The following NECTIN1 variants were observed in gnomAD, a reference collection of about 807,000 sequenced individuals.
NECTIN1 encodes nectin cell adhesion molecule 1.
NECTIN1 carries 23 observed loss-of-function variants against 48.0 expected under a neutral mutation model. That is an observed-to-expected ratio of 0.48 (90% CI 0.34 to 0.68). The LOEUF (loss-of-function observed/expected upper bound fraction) is 0.68. Ranked by LOEUF, NECTIN1 falls within the 30% of genes least tolerant of loss-of-function variation. The pLI, the probability that NECTIN1 is intolerant of heterozygous loss-of-function variation, is 0.01. For missense variants in NECTIN1, 591 were observed against 709.9 expected, an observed-to-expected ratio of 0.83 and a Z score of 1.90; for synonymous variants, 270 against 288.9, an observed-to-expected ratio of 0.93 and a Z score of 0.66.
Position 119,677,475 on chromosome 11 carries a change from A to C in NECTIN1, c.733+80T>G. 6.7e-7 allele frequency: 1 copy of C among 1,493,898 alleles called. No individual in the cohort carries two copies. 92.5% of individuals were successfully genotyped at this position (1,493,898 alleles called of 1,614,324 possible). A position where few individuals can be genotyped will look rare whatever the true frequency, so the allele number is the denominator to read the frequency against. ...GAAGAAAGCACCCCCAGAAAGAGAA[A>C]GGGAGGAGAAAGGAGAGGAGGAGGG... is the stretch of plus-strand genomic sequence containing the variant. On this transcript the variant is annotated intron_variant, in intron 3 of 5. Coordinates refer to ENST00000264025, the MANE Select transcript of NECTIN1 (RefSeq NM_002855.5). This position sits in a 1 kb window ranked among gnomAD's most constrained non-coding sequence, Gnocchi z 5.4.
rs1213982791 is a variant in NECTIN1 at position 119,661,082 on chromosome 11, G to A, written c.*3665C>T. 1 of 982,134 alleles carries A rather than the reference G, an allele frequency of 1.0e-6. No homozygotes were observed. Among genetic ancestry groups the A allele is most frequent in the African/African-American group, 1.8e-5 (1 of 57,060 alleles). The allele number at this position is 982,134 out of a possible 1,614,324, so 60.8% of individuals were successfully genotyped here. ...ATTTTTTTTTAATACAAGTAAAAGG[G>A]GGTGATGCAAACACCCCCCAGGTCA... is the stretch of plus-strand genomic sequence containing the variant. On this transcript the variant is annotated 3_prime_UTR_variant, in exon 6 of 6. Transcript: ENST00000264025.
chr11:119,662,207 A>C lies in NECTIN1; in HGVS notation c.*2540T>G. Reference sequence around the variant, plus strand: ...CATGAAGGAGAAGCAAAATGTCCTCATCTCTCTGCTGGGCTAGACCTCCCT... The same window carrying C: ...CATGAAGGAGAAGCAAAATGTCCTCCTCTCTCTGCTGGGCTAGACCTCCCT... On this transcript the variant is annotated 3_prime_UTR_variant, in exon 6 of 6. Coordinates refer to ENST00000264025, the MANE Select transcript of NECTIN1 (RefSeq NM_002855.5). This position sits in a 1 kb window ranked among gnomAD's most constrained non-coding sequence, Gnocchi z 5.3. 2.0e-6 allele frequency: 2 copies of C among 985,438 alleles called. No homozygotes were observed. The highest frequency in any genetic ancestry group is 2.3e-4 in the East Asian group (2 of 8,792). 61.0% of individuals were successfully genotyped at this position (985,438 alleles called of 1,614,324 possible).
At chr11:119,648,744 C>A (rs761948213) in intron 5 of NECTIN1, among the ~76,000 whole-genome samples, 1 of 152,030 alleles carries the variant, frequency 6.6e-6, no homozygotes, top group East Asian at 1.9e-4. Flanking sequence ...TTTGTCAGGT[C>A]TCTCCAGCCC....
At position 119,694,756 on chromosome 11, in the gene NECTIN1, C is replaced by T. The variant is rs183679745; in HGVS notation, c.80-15991G>A. On this transcript the variant is annotated intron_variant, in intron 1 of 5. Transcript: ENST00000264025. ...TGGGGATGCTGATTTGGCCCATGGTCCACTCCAGGGCAGGCCCTCAATGAT... is the reference window on the plus strand; with the variant it reads ...TGGGGATGCTGATTTGGCCCATGGTTCACTCCAGGGCAGGCCCTCAATGAT... Among the ~76,000 whole-genome samples, 359 of 152,238 alleles carry T rather than the reference C, an allele frequency of 2.4e-3. 2 individuals carry two copies. Among genetic ancestry groups the T allele is most frequent in the Non-Finnish European group, 4.4e-3 (299 of 68,004 alleles).
In NECTIN1 at chr11:119,664,438, A is replaced by T. The variant is rs1864724661; in HGVS notation, c.*309T>A. ...AAACCCTGGAGGGATGCCCAGGTAC[A>T]CAAGACGAGAACAGGGCTCCCTACA... On this transcript the variant is annotated 3_prime_UTR_variant, in exon 6 of 6. Coordinates refer to ENST00000264025, the MANE Select transcript of NECTIN1 (RefSeq NM_002855.5). 1 of 1,163,030 alleles carries T rather than the reference A, an allele frequency of 8.6e-7. No individual in the cohort carries two copies. The highest frequency in any genetic ancestry group is 4.3e-5 in the Admixed American group (1 of 23,286). The allele number at this position is 1,163,030 out of a possible 1,614,324, so 72.0% of individuals were successfully genotyped here. A position where few individuals can be genotyped will look rare whatever the true frequency, so the allele number is the denominator to read the frequency against.
chr11:119,706,799 ATTTGTATATACTC>A, intron 1 of NECTIN1, among the ~76,000 whole-genome samples: 1 of 152,282 alleles, frequency 6.6e-6, no homozygotes, highest in East Asian at 1.9e-4. Context: ...TTTTCGGAGC[ATTTGTATATACTC>A]TTATTTAATC....
chr11:119,698,746 G>A (rs1206936153), intron 1 of NECTIN1, among the ~76,000 whole-genome samples: 1 of 152,192 alleles, frequency 6.6e-6, no homozygotes, highest in Admixed American at 6.5e-5. Context: ...AATAACGTAT[G>A]TACATGGTTA....
At chr11:119,702,123 T>G (rs1224488046) in intron 1 of NECTIN1, among the ~76,000 whole-genome samples, 1 of 152,202 alleles carries the variant, frequency 6.6e-6, no homozygotes, top group Non-Finnish European at 1.5e-5. Flanking sequence ...CAGTGCCCTC[T>G]TCCTGTGGGA....
At chr11:119,714,813 C>G (rs1387179926) in intron 1 of NECTIN1, among the ~76,000 whole-genome samples, 1 of 152,128 alleles carries the variant, frequency 6.6e-6, no homozygotes, top group Non-Finnish European at 1.5e-5. Context: ...GGCCCACCCA[C>G]ACTGCCTCCT....
Position 119,664,035 on chromosome 11 carries a change from T to C in NECTIN1, c.*712A>G, listed in dbSNP as rs868567992. The C allele has an allele frequency of 3.7e-5, 36 of 985,522 alleles. No individual in the cohort carries two copies. In the African/African-American group the frequency reaches 4.4e-4, roughly 12 times the overall value. 61.0% of individuals were successfully genotyped at this position (985,522 alleles called of 1,614,324 possible). The stretch of plus-strand genomic sequence containing the variant: ...TGGAGCCCCTAATGGAGGGGGCACA[T>C]TGGGGATAAAGAGGGGACGCGTCAG... On this transcript the variant is annotated 3_prime_UTR_variant, in exon 6 of 6. Coordinates refer to ENST00000264025, the MANE Select transcript of NECTIN1 (RefSeq NM_002855.5).
At chr11:119,659,962 G>A (rs60008550), downstream of NECTIN1, among the ~76,000 whole-genome samples, 3 of 152,128 alleles carry the variant, frequency 2.0e-5, no homozygotes, top group South Asian at 2.1e-4. Flanking sequence ...TCTAAACACA[G>A]CCCCTTCTAG....
intron 1 of NECTIN1, among the ~76,000 whole-genome samples, chr11:119,726,194 T>A (rs1001096420): frequency 2.6e-5 from 4 of 152,070 alleles, no homozygotes; most frequent in African/African-American, 9.7e-5. Flanking sequence ...GAAAAGAGCA[T>A]CAGACTGGCA....
In NECTIN1 at chr11:119,678,180, T is replaced by TG. The variant is rs1412252559; in HGVS notation, c.430+234dup. On this transcript the variant is annotated intron_variant, in intron 2 of 5. Coordinates refer to ENST00000264025, the MANE Select transcript of NECTIN1 (RefSeq NM_002855.5). This position sits in a 1 kb window ranked among gnomAD's most constrained non-coding sequence, Gnocchi z 4.4. ...ATGCTGCTGCCAGCACAGTGCCTTGTGGGCTTCAACCTGAAGAATCACGTT... is the reference window on the plus strand; with the variant it reads ...ATGCTGCTGCCAGCACAGTGCCTTGTGGGGCTTCAACCTGAAGAATCACGTT... Among the ~76,000 whole-genome samples the TG allele has an allele frequency of 1.3e-5, 2 of 152,254 alleles. No homozygotes were observed. The highest frequency in any genetic ancestry group is 4.8e-5 in the African/African-American group (2 of 41,470).
downstream of NECTIN1, among the ~76,000 whole-genome samples, chr11:119,657,981 C>T (rs551975975): frequency 3.0e-3 from 442 of 148,026 alleles, 1 homozygote; most frequent in South Asian, 9.4e-3. Context: ...TGGCTCTGAA[C>T]CTATTGGCGT....
At chr11:119,644,912 T>C (rs1864375745) in intron 5 of NECTIN1, among the ~76,000 whole-genome samples, 1 of 152,038 alleles carries the variant, frequency 6.6e-6, no homozygotes, top group Non-Finnish European at 1.5e-5. Flanking sequence ...TAGGTGATAT[T>C]AGGTAATAGT....
At chr11:119,682,463 A>C (rs1667805437) in intron 1 of NECTIN1, among the ~76,000 whole-genome samples, 1 of 152,168 alleles carries the variant, frequency 6.6e-6, no homozygotes, top group South Asian at 2.1e-4. Flanking sequence ...CACCTTCTGA[A>C]GGGCTGTTCC....
At chr11:119,721,032 C>T (rs1865820050) in intron 1 of NECTIN1, among the ~76,000 whole-genome samples, 1 of 152,198 alleles carries the variant, frequency 6.6e-6, no homozygotes, top group South Asian at 2.1e-4. Flanking sequence ...GAAAGACAGG[C>T]CAAGATTCAG....
rs932205062 is a variant in NECTIN1, at chr11:119,709,948, T to A, written c.79+18527A>T. On this transcript the variant is annotated intron_variant, in intron 1 of 5. Transcript: ENST00000264025. The surrounding 1 kb of genome is among the most constrained non-coding windows in gnomAD (Gnocchi z 4.1). The stretch of plus-strand genomic sequence containing the variant: ...GGGCAGAGATGGATAGGGAAGGGAG[T>A]GTGATGTGACGAGGCCGCAGAGAGC... The A allele has an allele frequency of 1.3e-5, 2 of 151,172 alleles. No individual in the cohort carries two copies. The highest frequency in any genetic ancestry group is 1.3e-4 in the Admixed American group (2 of 15,158). 9.4% of individuals were successfully genotyped at this position (151,172 alleles called of 1,614,324 possible).
chr11:119,699,376 C>T (rs992007853), intron 1 of NECTIN1, among the ~76,000 whole-genome samples: 3 of 148,726 alleles, frequency 2.0e-5, no homozygotes, highest in African/African-American at 5.0e-5. Context: ...CCACGGCCCC[C>T]GGCCAGCAGA....
Sources: gnomAD v4.1 joint callset for allele counts (sites outside exome capture counted in the v4.1 genomes callset) on GRCh38, gnomAD v4.1.1 for gene constraint, Gnocchi (gnomAD v3.1) non-coding constraint, MANE v1.5 for transcripts, NCBI Gene and HGNC (gene_info 2026-07-23, HGNC 2026-07-21) for gene names.